The following RIT2 variants were observed in gnomAD, a reference collection of about 807,000 sequenced individuals.
RIT2 encodes the protein Ras like without CAAX 2.
A neutral mutation model predicts 23.7 loss-of-function variants in RIT2; 24 were observed. The observed-to-expected ratio is 1.01, with a 90% CI of 0.73 to 1.43. RIT2 has a LOEUF of 1.43. Among genes scored for constraint, RIT2 ranks in the 40% most tolerant of loss-of-function variants. The pLI, the probability that RIT2 is intolerant of heterozygous loss-of-function variation, is 0.00. For synonymous variants in RIT2, 107 were observed against 91.1 expected, an observed-to-expected ratio of 1.17 and a Z score of -0.99; for missense variants, 236 against 266.9, an observed-to-expected ratio of 0.88 and a Z score of 0.81.
intron 3 of RIT2, among the ~76,000 whole-genome samples, chr18:42,966,913 G>A (rs552118657): frequency 3.9e-5 from 6 of 152,014 alleles, no homozygotes; most frequent in East Asian, 1.9e-4. Flanking sequence ...CAACTGTACC[G>A]TAGTTATGGC....
At position 43,107,901 on chromosome 18, in the gene RIT2, C is replaced by A. The variant is rs1005540091; in HGVS notation, c.103+7516G>T. Among the ~76,000 whole-genome samples, 3 of 151,918 alleles carry A rather than the reference C, an allele frequency of 2.0e-5. No individual in the cohort carries two copies. In the South Asian group the frequency reaches 6.2e-4, roughly 32 times the overall value. On this transcript the variant is annotated intron_variant, in intron 1 of 4. Transcript: ENST00000326695. Reference sequence around the variant, plus strand: ...AAATGTGGCCGGGTGCAGTGGCTCACGCCTGTAACCCCAGCCCTTTGGAAG... The same window carrying A: ...AAATGTGGCCGGGTGCAGTGGCTCAAGCCTGTAACCCCAGCCCTTTGGAAG...
At chr18:43,049,402 TA>T (rs1912324302) in intron 1 of RIT2, among the ~76,000 whole-genome samples, 1 of 152,148 alleles carries the variant, frequency 6.6e-6, no homozygotes, top group Non-Finnish European at 1.5e-5. Context: ...AGCACTGTAC[TA>T]GATATGTTCT....
intron 3 of RIT2, among the ~76,000 whole-genome samples, chr18:42,963,377 A>G (rs1195052290): frequency 2.6e-5 from 4 of 152,238 alleles, no homozygotes; most frequent in Non-Finnish European, 5.9e-5. Context: ...ATATCTGGAA[A>G]TCCATGAGGG....
chr18:42,899,224 T>C (rs1908412188), intron 4 of RIT2, among the ~76,000 whole-genome samples: 1 of 151,458 alleles, frequency 6.6e-6, no homozygotes, highest in Non-Finnish European at 1.5e-5. Flanking sequence ...GTTGTCACAT[T>C]TCAGTGGGCA....
At chr18:42,940,901 T>C (rs1490187653) in intron 3 of RIT2, among the ~76,000 whole-genome samples, 2 of 152,142 alleles carry the variant, frequency 1.3e-5, no homozygotes, top group African/African-American at 4.8e-5. Flanking sequence ...ATTTGTTTTA[T>C]GGTACAAAAT....
At chr18:43,038,130 G>A (rs150190822) in intron 1 of RIT2, among the ~76,000 whole-genome samples, 1,852 of 149,152 alleles carry the variant, frequency 0.012, 24 homozygotes, top group African/African-American at 0.033. Context: ...GTGTGAACCC[G>A]AGAGGCAGAG....
intron 4 of RIT2, among the ~76,000 whole-genome samples, chr18:42,784,285 AAT>A (rs943431852): frequency 1.4e-5 from 2 of 146,214 alleles, no homozygotes; most frequent in African/African-American, 5.3e-5. Context: ...AAAAAAAAAA[AAT>A]TAATCTTAAA....
At chr18:42,988,458 C>T (rs1910766221) in intron 2 of RIT2, among the ~76,000 whole-genome samples, 1 of 151,972 alleles carries the variant, frequency 6.6e-6, no homozygotes, top group Non-Finnish European at 1.5e-5. Flanking sequence ...ACATTTCTGA[C>T]CGTGTTGGTG....
intron 2 of RIT2, among the ~76,000 whole-genome samples, chr18:43,023,061 G>A (rs995808272): frequency 1.8e-4 from 27 of 152,100 alleles, no homozygotes; most frequent in Admixed American, 1.2e-3. Context: ...TTAGTATGAC[G>A]TCATTAAAAC....
intron 4 of RIT2, among the ~76,000 whole-genome samples, chr18:42,918,100 C>T (rs577995062): frequency 1.3e-5 from 2 of 152,294 alleles, no homozygotes; most frequent in South Asian, 2.1e-4. Context: ...TGTTCATTGT[C>T]TGTCTCCTCC....
chr18:42,955,905 T>C (rs1010736094), intron 3 of RIT2, among the ~76,000 whole-genome samples: 1 of 152,186 alleles, frequency 6.6e-6, no homozygotes, highest in African/African-American at 2.4e-5. Flanking sequence ...AATTTACCTA[T>C]TCTGGAAAAT....
chr18:42,954,388 A>C (rs1217000898), intron 3 of RIT2, among the ~76,000 whole-genome samples: 2 of 151,988 alleles, frequency 1.3e-5, no homozygotes, highest in African/African-American at 4.8e-5. Flanking sequence ...AAAAAAAAAA[A>C]AAAAAACCTG....
intron 4 of RIT2, among the ~76,000 whole-genome samples, chr18:42,918,433 T>C (rs1908968970): frequency 6.6e-6 from 1 of 152,152 alleles, no homozygotes; most frequent in Middle Eastern, 3.2e-3. Flanking sequence ...AGCTAATTAA[T>C]TGTTAATTGA....
chr18:42,907,435 G>A (rs1236891125), intron 4 of RIT2, among the ~76,000 whole-genome samples: 1 of 152,096 alleles, frequency 6.6e-6, no homozygotes, highest in African/African-American at 2.4e-5. Flanking sequence ...AAGGGGTTGA[G>A]CACAATGATA....
chr18:42,889,700 T>A (rs770517545), intron 4 of RIT2, among the ~76,000 whole-genome samples: 5 of 152,070 alleles, frequency 3.3e-5, no homozygotes, highest in Non-Finnish European at 4.4e-5. Flanking sequence ...AAGCTTCCTT[T>A]TAAAAATGTA....
At chr18:42,828,122 C>T (rs150507397) in intron 4 of RIT2, among the ~76,000 whole-genome samples, 6 of 151,168 alleles carry the variant, frequency 4.0e-5, no homozygotes, top group Admixed American at 3.9e-4. Context: ...TAAGTGCTGA[C>T]AAGGATATGC....
At chr18:42,850,729 C>T (rs998190561) in intron 4 of RIT2, among the ~76,000 whole-genome samples, 1 of 152,116 alleles carries the variant, frequency 6.6e-6, no homozygotes, top group Non-Finnish European at 1.5e-5. Flanking sequence ...TGCAAAACCA[C>T]ATAAAGTTTT....
intron 2 of RIT2, among the ~76,000 whole-genome samples, chr18:42,979,308 A>G (rs1910543184): frequency 6.6e-6 from 1 of 152,062 alleles, no homozygotes; most frequent in East Asian, 1.9e-4. Flanking sequence ...TATAACTAAG[A>G]AAAAAATATC....
chr18:43,011,394 G>A (rs2144254353), intron 2 of RIT2, among the ~76,000 whole-genome samples: 1 of 151,934 alleles, frequency 6.6e-6, no homozygotes, highest in Non-Finnish European at 1.5e-5. Flanking sequence ...CAGCTATATG[G>A]AAGACAGATC....
Sources: gnomAD v4.1 joint callset for allele counts (sites outside exome capture counted in the v4.1 genomes callset) on GRCh38, gnomAD v4.1.1 for gene constraint, MANE v1.5 for transcripts, NCBI Gene and HGNC (gene_info 2026-07-23, HGNC 2026-07-21) for gene names.